Variants in FHIT observed in about 807,000 individuals in gnomAD.
The protein encoded by FHIT is bis(5'-adenosyl)-triphosphatase.
In FHIT, 19 loss-of-function variants were observed where a neutral mutation model predicts 17.9. The ratio of observed to expected loss-of-function variants is 1.06; its 90% confidence interval spans 0.74 to 1.56. The LOEUF (loss-of-function observed/expected upper bound fraction) is 1.56, where lower values mean the gene tolerates loss of function less well. Among genes scored for constraint, FHIT ranks in the 40% most tolerant of loss-of-function variants. The pLI is 0.00. For synonymous variants in FHIT, 81 were observed against 69.7 expected (o/e 1.16, Z -0.81); for missense variants, 248 against 189.2 (o/e 1.31, Z -1.82).
rs182490343 is a variant in FHIT, at chr3:60,021,350, A to T, written c.104-7198T>A. ...AAAAGTAAGAATCACTTTCATCGAG[A>T]GAAGCAAACAGTTGCCTTTCAAAGA... On this transcript the variant is annotated intron_variant, in intron 5 of 9. Coordinates refer to ENST00000492590, the MANE Select transcript of FHIT (RefSeq NM_002012.4). Among the ~76,000 whole-genome samples, 501 of 152,334 alleles carry T rather than the reference A, an allele frequency of 3.3e-3. 2 individuals carry two copies. Among genetic ancestry groups the T allele is most frequent in the African/African-American group, 0.011 (476 of 41,570 alleles).
At chr3:59,790,703 G>A (rs753996833) in intron 8 of FHIT, among the ~76,000 whole-genome samples, 1 of 152,048 alleles carries the variant, frequency 6.6e-6, no homozygotes, top group Non-Finnish European at 1.5e-5. Flanking sequence ...CTTAGGAAAA[G>A]GATAATTTTT....
intron 5 of FHIT, among the ~76,000 whole-genome samples, chr3:60,282,356 CCTTACA>C (rs1322850810): frequency 6.6e-6 from 1 of 152,020 alleles, no homozygotes; most frequent in Non-Finnish European, 1.5e-5. Context: ...TGTGGAGGCA[CCTTACA>C]GACATACTGC....
intron 3 of FHIT, among the ~76,000 whole-genome samples, chr3:60,911,959 G>A (rs1243057298): frequency 6.6e-6 from 1 of 152,020 alleles, no homozygotes; most frequent in African/African-American, 2.4e-5. Context: ...GTAAGATGCT[G>A]ACAATAATTA....
chr3:60,405,537 A>G (rs1258858600), intron 5 of FHIT, among the ~76,000 whole-genome samples: 1 of 152,204 alleles, frequency 6.6e-6, no homozygotes, highest in East Asian at 1.9e-4. Context: ...GAATAGGACA[A>G]GAACTTGGGA....
chr3:60,268,843 G>A (rs1235882757), intron 5 of FHIT, among the ~76,000 whole-genome samples: 1 of 152,118 alleles, frequency 6.6e-6, no homozygotes, highest in African/African-American at 2.4e-5. Flanking sequence ...GATGATCCTG[G>A]ATTATCTAGG....
intron 5 of FHIT, among the ~76,000 whole-genome samples, chr3:60,409,411 G>A (rs1481714844): frequency 3.3e-5 from 5 of 152,126 alleles, no homozygotes; most frequent in African/African-American, 1.2e-4. Context: ...CTGAATATAG[G>A]CATCATTTGG....
At chr3:60,120,968 T>A (rs1040455332) in intron 5 of FHIT, among the ~76,000 whole-genome samples, 4 of 152,158 alleles carry the variant, frequency 2.6e-5, no homozygotes, top group African/African-American at 9.7e-5. Context: ...TTTAAAAGGC[T>A]TTCTCCACAA....
intron 5 of FHIT, among the ~76,000 whole-genome samples, chr3:60,458,639 A>T (rs2032264375): frequency 6.6e-6 from 1 of 152,114 alleles, no homozygotes; most frequent in South Asian, 2.1e-4. Context: ...AGGCAAAGGT[A>T]CCCAGTAGCT....
chr3:61,248,260 G>C (rs1298367552), intron 1 of FHIT, among the ~76,000 whole-genome samples: 1 of 152,182 alleles, frequency 6.6e-6, no homozygotes, highest in African/African-American at 2.4e-5. Context: ...CTGGTGGTCA[G>C]GCACTGTGGT....
chr3:60,694,128 A>G (rs1393883676), intron 4 of FHIT, among the ~76,000 whole-genome samples: 1 of 152,218 alleles, frequency 6.6e-6, no homozygotes, highest in African/African-American at 2.4e-5. Flanking sequence ...AATTTGGGAA[A>G]GACCAGAAAG....
At chr3:60,731,857 G>C (rs1285078533) in intron 4 of FHIT, among the ~76,000 whole-genome samples, 3 of 152,184 alleles carry the variant, frequency 2.0e-5, no homozygotes, top group Admixed American at 6.5e-5. Context: ...TTCCTGGTGG[G>C]ATGTGGGGTG....
intron 3 of FHIT, among the ~76,000 whole-genome samples, chr3:60,884,404 T>C (rs782263514): frequency 3.3e-5 from 5 of 152,106 alleles, no homozygotes; most frequent in Non-Finnish European, 7.4e-5. Context: ...TGAAGAGATA[T>C]CTGCATACCC....
chr3:61,068,302 G>C (rs974989729), intron 2 of FHIT, among the ~76,000 whole-genome samples: 2 of 152,194 alleles, frequency 1.3e-5, no homozygotes, highest in African/African-American at 4.8e-5. Flanking sequence ...GCAGAATGCA[G>C]TTCTGAAGTC....
chr3:59,909,223 G>C (rs980999771), intron 8 of FHIT, among the ~76,000 whole-genome samples: 33 of 151,894 alleles, frequency 2.2e-4, no homozygotes, highest in Middle Eastern at 3.2e-3. Flanking sequence ...TAGTAGAGAT[G>C]AGGCTTCACC....
At chr3:59,856,497 A>T (rs569198136) in intron 8 of FHIT, among the ~76,000 whole-genome samples, 1 of 152,350 alleles carries the variant, frequency 6.6e-6, no homozygotes, top group South Asian at 2.1e-4. Context: ...CAGGCATAAA[A>T]ATCACAAGGG....
At chr3:60,482,689 G>A (rs1559482042) in intron 5 of FHIT, among the ~76,000 whole-genome samples, 1 of 152,124 alleles carries the variant, frequency 6.6e-6, no homozygotes, top group East Asian at 1.9e-4. Flanking sequence ...GTGTTAAGAG[G>A]AAAATTTGTA....
intron 4 of FHIT, among the ~76,000 whole-genome samples, chr3:60,614,643 G>A (rs1280696270): frequency 6.6e-6 from 1 of 151,788 alleles, no homozygotes; most frequent in African/African-American, 2.4e-5. Flanking sequence ...AAGTCTATTT[G>A]GGTGCCAAAA....
chr3:60,652,530 G>A (rs1169113548), intron 4 of FHIT, among the ~76,000 whole-genome samples: 2 of 152,024 alleles, frequency 1.3e-5, no homozygotes, highest in Non-Finnish European at 2.9e-5. Context: ...TCAGGATATC[G>A]AGACCATCCT....
chr3:59,892,628 G>A (rs1223178803), intron 8 of FHIT, among the ~76,000 whole-genome samples: 4 of 152,194 alleles, frequency 2.6e-5, no homozygotes, highest in African/African-American at 9.6e-5. Flanking sequence ...CTCAGTGAGT[G>A]CTGTGAAGCT....
Sources: gnomAD v4.1 joint callset for allele counts (sites outside exome capture counted in the v4.1 genomes callset) on GRCh38, gnomAD v4.1.1 for gene constraint, MANE v1.5 for transcripts, NCBI Gene and HGNC (gene_info 2026-07-23, HGNC 2026-07-21) for gene names.